The following BAIAP3 variants were observed in gnomAD, a reference collection of about 807,000 sequenced individuals.
BAIAP3 encodes the protein BAI1 associated protein 3.
In BAIAP3, 180 loss-of-function variants were observed where a neutral mutation model predicts 149.7. The observed-to-expected ratio is 1.20, with a 90% CI of 1.07 to 1.36. The LOEUF (loss-of-function observed/expected upper bound fraction) is 1.36. BAIAP3 is among the 40% of genes most tolerant of loss of function. BAIAP3 has a pLI of 0.00. For synonymous variants in BAIAP3, 845 were observed against 670.7 expected, an observed-to-expected ratio of 1.26 and a Z score of -4.02; for missense variants, 1,767 against 1,563.4, an observed-to-expected ratio of 1.13 and a Z score of -2.20.
rs758567138 is a variant in BAIAP3 at position 1,345,235 on chromosome 16, C to T, written c.1941-14C>T. 3 of 1,612,186 alleles carry T rather than the reference C, an allele frequency of 1.9e-6. No homozygotes were observed. The highest frequency in any genetic ancestry group is 1.7e-5 in the Admixed American group (1 of 59,968). Reference sequence around the variant, plus strand: ...CTGAGTCAGGGCCGAGCCCTCACAACCCTCCCACCACAGGGACAGCCGCTC... The same window carrying T: ...CTGAGTCAGGGCCGAGCCCTCACAATCCTCCCACCACAGGGACAGCCGCTC... On this transcript the variant is annotated splice_polypyrimidine_tract_variant and intron_variant, in intron 21 of 33. Coordinates refer to ENST00000426824, the MANE Select transcript of BAIAP3 (RefSeq NM_001199097.2).
chr16:1,342,870 T>G lies in BAIAP3; in HGVS notation c.1162-43T>G, dbSNP rs1458555215. 4.3e-6 allele frequency: 7 copies of G among 1,611,800 alleles called. No homozygotes were observed. In the Admixed American group the frequency reaches 1.2e-4, roughly 27 times the overall value. On this transcript the variant is annotated intron_variant, in intron 13 of 33. Transcript: ENST00000426824. ...CGGCAGGGGGCCTGAGGAGGGGATG[T>G]GGGGCTGTCCCGCCTCCACCCACGA...
rs1377660136 is a variant in BAIAP3 at position 1,343,468 on chromosome 16, C to T, written c.1341C>T (p.Asp447=). ...DYSYLLGLLE[D]MQAHWEEAPS... is the part of the protein sequence containing the mutation. ...GCTACCTGCTGGGGCTGCTGGAGGA[C>T]ATGCAGGCACACTGGGAAGAGGCTC... The change falls in exon 15 of 34, where the codon GAC becomes GAT. Residue 447 remains aspartate (D), a synonymous_variant. Coordinates refer to ENST00000426824, the MANE Select transcript of BAIAP3 (RefSeq NM_001199097.2). 1.2e-6 allele frequency: 2 copies of T among 1,601,364 alleles called. No homozygotes were observed. The highest frequency in any genetic ancestry group is 1.3e-5 in the African/African-American group (1 of 74,780).
chr16:1,342,814 G>GGTA lies in BAIAP3; in HGVS notation c.1161+3_1161+5dup. 6.2e-7 allele frequency: 1 copy of GGTA among 1,612,706 alleles called. No homozygotes were observed. ...TGCGGTTGGAGCACTCAGCAGAGGAGGTAGTGGGTGCGCCTAGGATTGGAA... is the reference window on the plus strand; with the variant it reads ...TGCGGTTGGAGCACTCAGCAGAGGAGGTAGTAGTGGGTGCGCCTAGGATTGGAA... On this transcript the variant is annotated inframe_insertion and splice_region_variant. Coordinates refer to ENST00000426824, the MANE Select transcript of BAIAP3 (RefSeq NM_001199097.2).
intron 6 of BAIAP3, 59 bp downstream of exon 6, chr16:1,341,040 CG>C (rs1272077007): frequency 6.2e-7 from 1 of 1,609,998 alleles, no homozygotes; most frequent in African/African-American, 1.3e-5. Context: ...GGCGGGGGCA[CG>C]GGGCAAGGCC....
chr16:1,345,364 A>G lies in BAIAP3; in HGVS notation c.2056A>G (p.Met686Val). 1.2e-6 allele frequency: 2 copies of G among 1,611,992 alleles called. No individual in the cohort carries two copies. The highest frequency in any genetic ancestry group is 1.7e-6 in the Non-Finnish European group (2 of 1,179,508). The change falls in exon 22 of 34, where the codon ATG (methionine) becomes GTG (valine). Residue 686 changes from methionine (M) to valine (V), a missense_variant. Coordinates refer to ENST00000426824, the MANE Select transcript of BAIAP3 (RefSeq NM_001199097.2). ...GTGGAGGCTTCAGGGAGCCGTGGAC[A>G]TGGACACGGTGACAGCTGCCCTGGC... The part of the protein sequence containing the change: ...AKWRLQGAVD[M>V]DTLEPVDASS...
Position 1,342,921 on chromosome 16 carries a change from C to A in BAIAP3, c.1170C>A (p.Ser390=). The change falls in exon 14 of 34, where the codon TCC becomes TCA. Residue 390 remains serine, a synonymous_variant. Coordinates refer to ENST00000426824, the MANE Select transcript of BAIAP3 (RefSeq NM_001199097.2). ...RLEHSAEEPN[S]SSWRGELSTP... ...CAGACCTCCTCCCCCAGCCCAACTC[C>A]AGCAGCTGGCGAGGAGAGCTCAGCA... 2 of 1,612,328 alleles carry A rather than the reference C, an allele frequency of 1.2e-6. No homozygotes were observed. Among genetic ancestry groups the A allele is most frequent in the Non-Finnish European group, 8.5e-7 (1 of 1,179,992 alleles).
In BAIAP3 at chr16:1,348,506, C is replaced by A; in HGVS notation, c.*24C>A. 1 of 1,583,596 alleles carries A rather than the reference C, an allele frequency of 6.3e-7. No homozygotes were observed. Among genetic ancestry groups the A allele is most frequent in the Admixed American group, 1.8e-5 (1 of 55,972 alleles). ...GAGTCCATCAGCTGCCAGCCCCGGCCCTGGCCCCCACCCCAAGTTCCCTGA... is the reference window on the plus strand; with the variant it reads ...GAGTCCATCAGCTGCCAGCCCCGGCACTGGCCCCCACCCCAAGTTCCCTGA... On this transcript the variant is annotated 3_prime_UTR_variant, in exon 34 of 34. Coordinates refer to ENST00000426824, the MANE Select transcript of BAIAP3 (RefSeq NM_001199097.2).
rs1239240683 is a variant in BAIAP3, at chr16:1,348,437, G to A, written c.3414G>A (p.Val1138=). 1 of 1,612,656 alleles carries A rather than the reference G, an allele frequency of 6.2e-7. No homozygotes were observed. The highest frequency in any genetic ancestry group is 8.5e-7 in the Non-Finnish European group (1 of 1,179,810). Residue 1138 remains valine (V), a synonymous_variant, in exon 34 of 34, where the codon GTG becomes GTA. Coordinates refer to ENST00000426824, the MANE Select transcript of BAIAP3 (RefSeq NM_001199097.2). ...CCAGCAAGGAGGCGCAGGAGTTCGT[G>A]AAGAAACTCAAGGAGCTGGAGAAGT... ...GRTSKEAQEF[V]KKLKELEKCM... is the part of the protein sequence containing the mutation.
At chr16:1,342,095 C>T (rs745917063) in intron 10 of BAIAP3, 32 bp downstream of exon 10, 100 of 1,576,904 alleles carry the variant, frequency 6.3e-5, no homozygotes, top group Non-Finnish European at 7.8e-5. Flanking sequence ...TACCCATCAC[C>T]CGTGCCCTCA....
intron 1 of BAIAP3, chr16:1,334,618 C>G (rs1014721379): frequency 9.8e-6 from 15 of 1,527,872 alleles, no homozygotes; most frequent in Non-Finnish European, 1.3e-5. Flanking sequence ...CCCAAGGCCA[C>G]CGGCAGCGCT....
At chr16:1,345,542 A>ACCCCAGCCTCCCCAGCAACCCCAGCCT in intron 22 of BAIAP3, 170 bp downstream of exon 22, 1 of 219,924 alleles carries the variant, frequency 4.5e-6, no homozygotes, top group Non-Finnish European at 7.1e-6. Context: ...CTCCCCAGCA[A>ACCCCAGCCTCCCCAGCAACCCCAGCCT]CCCCAGCCTC....
chr16:1,342,839 A>G, intron 13 of BAIAP3, 25 bp downstream of exon 13: 1 of 1,612,452 alleles, frequency 6.2e-7, no homozygotes, highest in East Asian at 2.2e-5. Flanking sequence ...TAGGATTGGA[A>G]CAGCCCGGCA....
At chr16:1,346,766 A>G (rs2034401753) in intron 27 of BAIAP3, 81 bp from the exon 28 acceptor site, 5 of 1,528,046 alleles carry the variant, frequency 3.3e-6, no homozygotes, top group Non-Finnish European at 4.4e-6. Flanking sequence ...GCCCTGTGGG[A>G]GCTACTCCTC....
At chr16:1,339,313 C>T in intron 4 of BAIAP3, 69 bp downstream of exon 4, 1 of 1,534,132 alleles carries the variant, frequency 6.5e-7, no homozygotes, top group South Asian at 1.2e-5. Flanking sequence ...TTAGAGGCAC[C>T]TACTGTGTGC....
rs776001967 is a variant in BAIAP3 at position 1,341,110 on chromosome 16, C to G, written c.469-19C>G. Reference sequence around the variant, plus strand: ...GGCAGCTCAGCCTCACCAGGCCCCCCACGCCCCTCTGTCCACAGGCCCCCA... The same window carrying G: ...GGCAGCTCAGCCTCACCAGGCCCCCGACGCCCCTCTGTCCACAGGCCCCCA... On this transcript the variant is annotated intron_variant, in intron 6 of 33. Transcript: ENST00000426824. 11 of 1,610,916 alleles carry G rather than the reference C, an allele frequency of 6.8e-6. No homozygotes were observed. Among genetic ancestry groups the G allele is most frequent in the Non-Finnish European group, 1.7e-6 (2 of 1,178,820 alleles).
intron 4 of BAIAP3, 61 bp from the exon 5 acceptor site, chr16:1,339,435 G>T (rs1596564296): frequency 5.2e-6 from 8 of 1,533,982 alleles, no homozygotes; most frequent in Non-Finnish European, 6.2e-6. Context: ...CAGACAGGAG[G>T]TGCTGCTGAG....
chr16:1,347,143 TGGGAGCTTCCG>T lies in BAIAP3; in HGVS notation c.2752-154_2752-144del, dbSNP rs1452408000. The T allele has an allele frequency of 6.5e-6, 6 of 927,430 alleles. No homozygotes were observed. In the African/African-American group the frequency reaches 1.0e-4, roughly 15 times the overall value. 57.5% of individuals were successfully genotyped at this position (927,430 alleles called of 1,614,324 possible). A position where few individuals can be genotyped will look rare whatever the true frequency, so the allele number is the denominator to read the frequency against. On this transcript the variant is annotated intron_variant, in intron 28 of 33. Coordinates refer to ENST00000426824, the MANE Select transcript of BAIAP3 (RefSeq NM_001199097.2). Reference sequence around the variant, plus strand: ...GGTGATGGCCTTTCCCCACGCTTCCTGGGAGCTTCCGATGCCCGCCAGGGTGTGAGAAAGGG... The same window carrying T: ...GGTGATGGCCTTTCCCCACGCTTCCTATGCCCGCCAGGGTGTGAGAAAGGG...
At position 1,348,248 on chromosome 16, in the gene BAIAP3, G is replaced by T. The variant is rs779446694; in HGVS notation, c.3302G>T (p.Gly1101Val). ...TGVARPQVGG[G>V]ARAGQPVTLH... is the part of the protein sequence containing the mutation. Reference sequence around the variant, plus strand: ...GTCGCCCGGCCCCAGGTGGGCGGGGGTGCAAGGGCTGGGCAGCCTGTCACC... The same window carrying T: ...GTCGCCCGGCCCCAGGTGGGCGGGGTTGCAAGGGCTGGGCAGCCTGTCACC... Residue 1101 changes from glycine (G) to valine (V), a missense_variant, in exon 33 of 34, where the codon GGT becomes GTT. Coordinates refer to ENST00000426824, the MANE Select transcript of BAIAP3 (RefSeq NM_001199097.2). 1 of 1,604,586 alleles carries T rather than the reference G, an allele frequency of 6.2e-7. No individual in the cohort carries two copies. Among genetic ancestry groups the T allele is most frequent in the East Asian group, 2.2e-5 (1 of 44,646 alleles).
Position 1,347,885 on chromosome 16 carries a change from C to T in BAIAP3, c.3026-9C>T, listed in dbSNP as rs529073679. On this transcript the variant is annotated splice_polypyrimidine_tract_variant and intron_variant, in intron 31 of 33. Transcript: ENST00000426824. ...GGGGGCAGGGGGGCTCACGACTGTG[C>T]TCCTGCAGGCTTAAGTGACCCCTTT... 2 of 1,611,070 alleles carry T rather than the reference C, an allele frequency of 1.2e-6. No homozygotes were observed. Among genetic ancestry groups the T allele is most frequent in the Non-Finnish European group, 1.7e-6 (2 of 1,179,658 alleles).
Sources: allele counts gnomAD v4.1 joint callset, GRCh38; gene constraint gnomAD v4.1.1; transcripts MANE v1.5; gene names NCBI Gene and HGNC (gene_info 2026-07-23, HGNC 2026-07-21).